The following PRR11 variants were observed in gnomAD, a reference collection of about 807,000 sequenced individuals.
The protein encoded by PRR11 is proline-rich protein 11.
A neutral mutation model predicts 45.6 loss-of-function variants in PRR11; 30 were observed. The ratio of observed to expected loss-of-function variants is 0.66; its 90% CI spans 0.49 to 0.89. The LOEUF (loss-of-function observed/expected upper bound fraction) is 0.89, where lower values mean the gene tolerates loss of function less well. PRR11 is among the 40% of genes least tolerant of loss of function. PRR11 has a pLI of 0.00. For synonymous variants in PRR11, 128 were observed against 153.5 expected (o/e 0.83, Z 1.23); for missense variants, 373 against 424.8 (o/e 0.88, Z 1.07).
rs765977747 is a variant in PRR11 at position 59,169,783 on chromosome 17, CT to C, written c.32del (p.Leu11GlnfsTer21). ...CAAGTTCAAACAACGAAGACGAAAG[CT>C]AAAAGCCAAAGCCGAAAGATTATTC... MPKFKQRRRK[L>X]KAKAERLFKK... On this transcript the variant is annotated frameshift_variant, in exon 2 of 10. Coordinates refer to ENST00000262293, the MANE Select transcript of PRR11 (RefSeq NM_018304.4). LOFTEE classifies it high-confidence loss of function. The C allele has an allele frequency of 6.2e-7, 1 of 1,602,932 alleles. No homozygotes were observed. The highest frequency in any genetic ancestry group is 1.1e-5 in the South Asian group (1 of 88,158).
chr17:59,166,963 A>G (rs1254490120), intron 1 of PRR11, among the ~76,000 whole-genome samples: 3 of 152,142 alleles, frequency 2.0e-5, no homozygotes, highest in Admixed American at 2.0e-4. Context: ...GGAGATCGAG[A>G]CGATCCTGGC....
Position 59,205,245 on chromosome 17 carries a change from C to T in PRR11, c.*3614C>T, listed in dbSNP as rs193078797. Among the ~76,000 whole-genome samples the T allele has an allele frequency of 6.7e-4, 102 of 152,112 alleles. 1 individual carries two copies. The East Asian group carries it at 0.017, about 25-fold the overall frequency. ...TAAGTGCTATGGCTTCCTTAAACTA[C>T]GATTTATCATATGCTCCCGGTGTTT... On this transcript the variant is annotated 3_prime_UTR_variant, in exon 10 of 10. Coordinates refer to ENST00000262293, the MANE Select transcript of PRR11 (RefSeq NM_018304.4).
intron 9 of PRR11, among the ~76,000 whole-genome samples, chr17:59,199,099 A>G (rs777481725): frequency 2.6e-5 from 4 of 152,170 alleles, no homozygotes; most frequent in African/African-American, 4.8e-5. Flanking sequence ...AGTATGTGCT[A>G]TGAAGGAAAG....
At chr17:59,173,646 G>C (rs147193626) in intron 2 of PRR11, among the ~76,000 whole-genome samples, 1 of 152,164 alleles carries the variant, frequency 6.6e-6, no homozygotes, top group East Asian at 1.9e-4. Flanking sequence ...AACAAACTCC[G>C]GACACGCCAC....
chr17:59,193,795 G>T (rs879160286), intron 5 of PRR11, 61 bp downstream of exon 5: 15 of 1,547,204 alleles, frequency 9.7e-6, no homozygotes, highest in Non-Finnish European at 1.2e-5. Flanking sequence ...TAATATAGGA[G>T]TAAAGCCAAG....
rs117019804 is a variant in PRR11 at position 59,180,800 on chromosome 17, C to T, written c.129-4254C>T. ...GGATTACAGACATGAGCTACTGCGC[C>T]CGGCCTTTGGTTTTCTTTTGAAACA... On this transcript the variant is annotated intron_variant, in intron 2 of 9. Transcript: ENST00000262293. 4.1e-3 allele frequency among the ~76,000 whole-genome samples: 618 copies of T among 151,620 alleles called. 2 individuals are homozygous for T. The highest frequency in any genetic ancestry group is 5.8e-3 in the Non-Finnish European group (395 of 67,996).
At chr17:59,169,458 A>C (rs1340405381) in intron 1 of PRR11, among the ~76,000 whole-genome samples, 4 of 152,156 alleles carry the variant, frequency 2.6e-5, no homozygotes, top group African/African-American at 7.2e-5. Flanking sequence ...ACTATAAAGA[A>C]AGGAAAATTC....
chr17:59,174,788 C>CGG (rs747437445), intron 2 of PRR11, among the ~76,000 whole-genome samples: 2 of 152,108 alleles, frequency 1.3e-5, no homozygotes, highest in East Asian at 3.9e-4. Flanking sequence ...CTAGGAAACG[C>CGG]GGTGCGATCT....
intron 4 of PRR11, among the ~76,000 whole-genome samples, chr17:59,186,381 ATTTTTTTTTTTT>A (rs59082405): frequency 0.018 from 1,506 of 84,718 alleles, 45 homozygotes; most frequent in African/African-American, 0.054. Context: ...GCTGTTTGTA[ATTTTTTTTTTTT>A]TTTTTTTTTT....
intron 1 of PRR11, among the ~76,000 whole-genome samples, chr17:59,160,365 G>GTTGT (rs1318312518): frequency 6.6e-6 from 1 of 152,120 alleles, no homozygotes; most frequent in Admixed American, 6.5e-5. Flanking sequence ...ACTTCCTCTT[G>GTTGT]TTGTTTGTTT....
Position 59,197,589 on chromosome 17 carries a change from A to G in PRR11, c.903A>G (p.Lys301=). The change falls in exon 8 of 10, where the codon AAA becomes AAG. Residue 301 remains lysine, a synonymous_variant. Coordinates refer to ENST00000262293, the MANE Select transcript of PRR11 (RefSeq NM_018304.4). ...TGGATCTGCGGAAACTGCTTAGAAA[A>G]GTCGATGTAGAGAGGTAATACACTC... ...SQMDLRKLLR[K]VDVERSPGGT... 1 of 1,613,958 alleles carries G rather than the reference A, an allele frequency of 6.2e-7. No homozygotes were observed. The highest frequency in any genetic ancestry group is 1.1e-5 in the South Asian group (1 of 91,088).
At chr17:59,181,476 C>T in intron 2 of PRR11, 2 of 1,095,396 alleles carry the variant, frequency 1.8e-6, no homozygotes, top group South Asian at 2.4e-5. Flanking sequence ...TTTAAAAGAA[C>T]AGGATTGGAG....
At chr17:59,159,978 T>C (rs1288326695) in intron 1 of PRR11, among the ~76,000 whole-genome samples, 1 of 152,204 alleles carries the variant, frequency 6.6e-6, no homozygotes, top group African/African-American at 2.4e-5. Context: ...CTGTAAACTC[T>C]TGGAGGGCAG....
At chr17:59,175,057 TC>T (rs1260773519) in intron 2 of PRR11, 2 of 601,458 alleles carry the variant, frequency 3.3e-6, no homozygotes, top group Non-Finnish European at 5.9e-6. Flanking sequence ...GAGTGGTTCT[TC>T]CCGTACAGGA....
chr17:59,197,862 G>A (rs966292190), intron 9 of PRR11, 73 bp downstream of exon 9: 3 of 1,340,498 alleles, frequency 2.2e-6, no homozygotes, highest in African/African-American at 2.9e-5. Context: ...GCTCATGACT[G>A]TAATCCTAAC....
At chr17:59,200,667 T>C (rs1422603911) in intron 9 of PRR11, among the ~76,000 whole-genome samples, 1 of 152,098 alleles carries the variant, frequency 6.6e-6, no homozygotes, top group Non-Finnish European at 1.5e-5. Context: ...TAATTTTTTG[T>C]ATTTTTAGTA....
At chr17:59,175,983 G>A (rs2046742983) in intron 2 of PRR11, among the ~76,000 whole-genome samples, 1 of 152,190 alleles carries the variant, frequency 6.6e-6, no homozygotes, top group African/African-American at 2.4e-5. Flanking sequence ...TAATGGGACT[G>A]GGAGTAATCA....
rs201430673 is a variant in PRR11 at position 59,169,800 on chromosome 17, A to G, written c.48A>G (p.Glu16=). The G allele has an allele frequency of 2.2e-4, 354 of 1,611,454 alleles. No individual in the cohort carries two copies. The highest frequency in any genetic ancestry group is 2.8e-4 in the Non-Finnish European group (336 of 1,179,380). The change falls in exon 2 of 10, where the codon GAA becomes GAG. Residue 16 remains glutamate, a synonymous_variant. Transcript: ENST00000262293. ...GACGAAAGCTAAAAGCCAAAGCCGA[A>G]AGATTATTCAAAAAAAAAGAAGCCT... is the stretch of plus-strand genomic sequence containing the variant. ...QRRRKLKAKA[E]RLFKKKEASH...
In PRR11 at chr17:59,175,041, A is replaced by C; in HGVS notation, c.128+5161A>C. On this transcript the variant is annotated intron_variant, in intron 2 of 9. Transcript: ENST00000262293. ...GAACCGAAGTTTATGGAACAAGGGTATCTGGGAGTGGTTCTTCCCGTACAG... is the reference window on the plus strand; with the variant it reads ...GAACCGAAGTTTATGGAACAAGGGTCTCTGGGAGTGGTTCTTCCCGTACAG... The C allele has an allele frequency of 4.8e-6, 3 of 623,570 alleles. No homozygotes were observed. In the Admixed American group the frequency reaches 7.0e-5, roughly 14 times the overall value. The allele number at this position is 623,570 out of a possible 1,614,324, so 38.6% of individuals were successfully genotyped here. A position where few individuals can be genotyped will look rare whatever the true frequency, so the allele number is the denominator to read the frequency against.
Sources: gnomAD v4.1 joint callset for allele counts (sites outside exome capture counted in the v4.1 genomes callset) on GRCh38, gnomAD v4.1.1 for gene constraint, MANE v1.5 for transcripts, NCBI Gene and HGNC (gene_info 2026-07-23, HGNC 2026-07-21) for gene names.